Variants in OXNAD1 observed in about 807,000 individuals in gnomAD.
The protein encoded by OXNAD1 is oxidoreductase NAD binding domain containing 1.
Under a neutral mutation model 32.9 loss-of-function variants are expected in OXNAD1, and 34 were observed. The observed-to-expected ratio is 1.03, with a 90% confidence interval of 0.79 to 1.38. The LOEUF (loss-of-function observed/expected upper bound fraction) is 1.38. Ranked by LOEUF, OXNAD1 falls within the 40% of genes most tolerant of loss-of-function variation. The probability of loss-of-function intolerance (pLI) is 0.00; values close to 1 mark genes in which losing one functional copy is unlikely to be tolerated. For synonymous variants in OXNAD1, 134 were observed against 135.2 expected (o/e 0.99, Z 0.06); for missense variants, 407 against 379.4 (o/e 1.07, Z -0.60).
intron 9 of OXNAD1, among the ~76,000 whole-genome samples, chr3:16,347,341 C>T (rs1393579170): frequency 1.3e-5 from 2 of 152,204 alleles, no homozygotes; most frequent in Admixed American, 1.3e-4. Flanking sequence ...TGGTGGATTA[C>T]AACAATAGAA....
At chr3:16,300,095 G>C (rs771750334) in intron 6 of OXNAD1, among the ~76,000 whole-genome samples, 21 of 152,260 alleles carry the variant, frequency 1.4e-4, no homozygotes, top group Non-Finnish European at 1.9e-4. Flanking sequence ...TTGACTCCTA[G>C]ATCAGTGGTT....
intron 9 of OXNAD1, among the ~76,000 whole-genome samples, chr3:16,318,456 T>C (rs2068677501): frequency 6.6e-6 from 1 of 152,202 alleles, no homozygotes; most frequent in African/African-American, 2.4e-5. Flanking sequence ...GGCTTTAGTA[T>C]GTTGTAAATC....
At chr3:16,281,895 C>CTTTTTTTTT (rs1213407558) in intron 4 of OXNAD1, among the ~76,000 whole-genome samples, 1 of 110,552 alleles carries the variant, frequency 9.0e-6, no homozygotes, top group African/African-American at 3.4e-5. Context: ...AATAACATTT[C>CTTTTTTTTT]TTTTTTTTTT....
rs61537442 is a variant in OXNAD1, at chr3:16,317,770, GC to G, written c.*30+14180del. 0.24 allele frequency among the ~76,000 whole-genome samples: 35,733 copies of G among 152,028 alleles called. 5,874 individuals carry two copies. Among genetic ancestry groups the G allele is most frequent in the African/African-American group, 0.47 (19,652 of 41,384 alleles). On this transcript the variant is annotated intron_variant, in intron 9 of 9. Transcript: ENST00000435829. This position sits in a 1 kb window ranked among gnomAD's most constrained non-coding sequence, Gnocchi z 4.3. ...ACTGGCGGGCCCGCTCCCCAGCTAGGCCGATAGCCCTTTGCTGACCACCACC... is the reference window on the plus strand; with the variant it reads ...ACTGGCGGGCCCGCTCCCCAGCTAGGCGATAGCCCTTTGCTGACCACCACC...
chr3:16,282,465 T>C (rs184392752), intron 4 of OXNAD1, among the ~76,000 whole-genome samples: 10 of 152,254 alleles, frequency 6.6e-5, no homozygotes, highest in African/African-American at 2.4e-4. Context: ...ATTCTGCAAA[T>C]ACTTACTGAG....
intron 4 of OXNAD1, among the ~76,000 whole-genome samples, chr3:16,278,361 C>T (rs1415413738): frequency 1.3e-5 from 2 of 152,176 alleles, no homozygotes; most frequent in Admixed American, 6.5e-5. Context: ...GTTTACAAAG[C>T]ACCAGATTAT....
chr3:16,338,857 A>G (rs1316348965), downstream of OXNAD1, among the ~76,000 whole-genome samples: 1 of 152,178 alleles, frequency 6.6e-6, no homozygotes, highest in Non-Finnish European at 1.5e-5. The surrounding 1 kb of genome is among the most constrained non-coding windows in gnomAD (Gnocchi z 5.3). Context: ...GGACCTGGGG[A>G]GAGAGCCAGT....
rs773026985 is a variant in OXNAD1, at chr3:16,323,430, A to C, written c.*31-13682A>C. 2.5e-6 allele frequency: 4 copies of C among 1,612,624 alleles called. No homozygotes were observed. In the South Asian group the frequency reaches 4.4e-5, roughly 18 times the overall value. ...GTAGACAAGGTCTCTGAAGAAAGAC[A>C]ATCTGCTTGGTGGATACACTCCCCT... On this transcript the variant is annotated intron_variant, in intron 9 of 9. Transcript: ENST00000435829.
At chr3:16,309,283 A>G, downstream of OXNAD1, among the ~76,000 whole-genome samples, 1 of 152,302 alleles carries the variant, frequency 6.6e-6, no homozygotes, top group Non-Finnish European at 1.5e-5. Flanking sequence ...TTCTGCACAT[A>G]CTCCTGTAGA....
In OXNAD1 at chr3:16,297,790, T is replaced by A. The variant is rs766220334; in HGVS notation, c.432+2793T>A. Among the ~76,000 whole-genome samples the A allele has an allele frequency of 3.3e-5, 5 of 152,154 alleles. No individual in the cohort carries two copies. The highest frequency in any genetic ancestry group is 5.9e-5 in the Non-Finnish European group (4 of 68,024). ...CACATTCTGGAAGACAAAGATATAA[T>A]GATGGGAAACCAGTGGTTGACTGGG... On this transcript the variant is annotated intron_variant, in intron 6 of 8. Coordinates refer to ENST00000285083, the MANE Select transcript of OXNAD1 (RefSeq NM_138381.5). The surrounding 1 kb of genome is among the most constrained non-coding windows in gnomAD (Gnocchi z 4.3).
intron 9 of OXNAD1, among the ~76,000 whole-genome samples, chr3:16,326,441 C>G: frequency 6.6e-6 from 1 of 152,188 alleles, no homozygotes; most frequent in East Asian, 1.9e-4. Context: ...AAGTGCCTAC[C>G]TAGCCTAGCA....
intron 4 of OXNAD1, among the ~76,000 whole-genome samples, chr3:16,274,844 A>T (rs760136122): frequency 1.4e-4 from 21 of 152,238 alleles, no homozygotes; most frequent in Non-Finnish European, 2.5e-4. Flanking sequence ...AATTTGGAAA[A>T]TTATCAACTA....
chr3:16,286,085 G>T (rs189495758), intron 4 of OXNAD1, among the ~76,000 whole-genome samples: 19 of 152,292 alleles, frequency 1.2e-4, no homozygotes, highest in Non-Finnish European at 1.0e-4. Context: ...CCGGTTAAAA[G>T]ATCCCTTGAA....
rs368270920 is a variant in OXNAD1, at chr3:16,269,226, A to G, written c.-58A>G. On this transcript the variant is annotated 5_prime_UTR_variant, in exon 2 of 9. Coordinates refer to ENST00000285083, the MANE Select transcript of OXNAD1 (RefSeq NM_138381.5). The stretch of plus-strand genomic sequence containing the variant: ...ATAGCAGGACCAAAATATTCTGTCA[A>G]TCAGCTGACCATATACTTAATGACT... The G allele has an allele frequency of 2.6e-5, 40 of 1,534,948 alleles. No homozygotes were observed. The East Asian group carries it at 4.6e-4, about 18-fold the overall frequency.
rs993064415 is a variant in OXNAD1, at chr3:16,269,260, C to G, written c.-24C>G. 5 of 1,535,232 alleles carry G rather than the reference C, an allele frequency of 3.3e-6. No individual in the cohort carries two copies. In the African/African-American group the frequency reaches 6.8e-5, roughly 21 times the overall value. On this transcript the variant is annotated 5_prime_UTR_variant, in exon 2 of 9. It adds an upstream start codon to the 5' untranslated region. Coordinates refer to ENST00000285083, the MANE Select transcript of OXNAD1 (RefSeq NM_138381.5). Reference sequence around the variant, plus strand: ...CCATATACTTAATGACTCCTAAAATCTCGTGGACTTCTAAGGTAAGTTTCA... The same window carrying G: ...CCATATACTTAATGACTCCTAAAATGTCGTGGACTTCTAAGGTAAGTTTCA...
intron 9 of OXNAD1, chr3:16,323,435 G>T (rs766277912): frequency 1.2e-6 from 2 of 1,612,518 alleles, no homozygotes; most frequent in Admixed American, 3.3e-5. Flanking sequence ...AAGACAATCT[G>T]CTTGGTGGAT....
rs980935685 is a variant in OXNAD1, at chr3:16,346,899, C to A, written c.*31-2277C>A. Among the ~76,000 whole-genome samples the A allele has an allele frequency of 1.3e-5, 2 of 152,178 alleles. No individual in the cohort carries two copies. Among genetic ancestry groups the A allele is most frequent in the African/African-American group, 4.8e-5 (2 of 41,434 alleles). On this transcript the variant is annotated intron_variant, in intron 9 of 9. Coordinates refer to the OXNAD1 transcript ENST00000606098. This position sits in a 1 kb window ranked among gnomAD's most constrained non-coding sequence, Gnocchi z 4.4. ...CTGGATCCCTGGTGGCATCTTTAAGCTGTTGACAAAGCTGACTCTGCAACC... is the reference window on the plus strand; with the variant it reads ...CTGGATCCCTGGTGGCATCTTTAAGATGTTGACAAAGCTGACTCTGCAACC...
intron 9 of OXNAD1, among the ~76,000 whole-genome samples, chr3:16,326,430 A>G (rs1274366710): frequency 6.6e-6 from 1 of 152,248 alleles, no homozygotes; most frequent in East Asian, 1.9e-4. Flanking sequence ...TTTTATATAT[A>G]AAGTGCCTAC....
chr3:16,279,222 G>A (rs1167005877), intron 4 of OXNAD1, among the ~76,000 whole-genome samples: 1 of 152,212 alleles, frequency 6.6e-6, no homozygotes, highest in Non-Finnish European at 1.5e-5. Context: ...CCTGGAGGTA[G>A]TTGTAGGGGA....
Sources: gnomAD v4.1 joint callset for allele counts (sites outside exome capture counted in the v4.1 genomes callset) on GRCh38, gnomAD v4.1.1 for gene constraint, Gnocchi (gnomAD v3.1) non-coding constraint, MANE v1.5 for transcripts, NCBI Gene and HGNC (gene_info 2026-07-23, HGNC 2026-07-21) for gene names.